Variants in MED15 observed in about 807,000 individuals in gnomAD.
The protein encoded by MED15 is mediator complex subunit 15.
In MED15, 41 loss-of-function variants were observed where a neutral mutation model predicts 118.7. The observed-to-expected ratio is 0.35, with a 90% CI of 0.27 to 0.45. The LOEUF is 0.45. Ranked by LOEUF, MED15 falls within the 20% of genes least tolerant of loss-of-function variation. The pLI, the probability that MED15 is intolerant of heterozygous loss-of-function variation, is 1.00. For synonymous variants in MED15, 436 were observed against 413.9 expected (o/e 1.05, Z -0.65); for missense variants, 740 against 1,025.5 (o/e 0.72, Z 3.80).
chr22:20,535,997 C>T (rs1430480367), intron 1 of MED15, among the ~76,000 whole-genome samples: 2 of 151,620 alleles, frequency 1.3e-5, no homozygotes, highest in Non-Finnish European at 2.9e-5. Flanking sequence ...CTGCCTCAGC[C>T]TCCTTTGTAG....
intron 1 of MED15, among the ~76,000 whole-genome samples, chr22:20,533,582 G>T (rs1318461459): frequency 6.6e-6 from 1 of 152,126 alleles, no homozygotes. Context: ...GGAGCGCCTT[G>T]CCGGAGGAGC....
At chr22:20,543,730 G>A (rs2055413330) in intron 2 of MED15, among the ~76,000 whole-genome samples, 2 of 150,962 alleles carry the variant, frequency 1.3e-5, no homozygotes, top group South Asian at 2.1e-4. Context: ...GCTAATTTTT[G>A]TATTTTTAGT....
chr22:20,531,214 T>G (rs1031037672), intron 1 of MED15, among the ~76,000 whole-genome samples: 2 of 152,132 alleles, frequency 1.3e-5, no homozygotes, highest in African/African-American at 4.8e-5. Flanking sequence ...TTGCTTTATC[T>G]TAGTCTCATT....
intron 13 of MED15, 82 bp downstream of exon 13, chr22:20,583,475 G>T (rs2057048425): frequency 1.3e-6 from 2 of 1,530,398 alleles, no homozygotes; most frequent in Non-Finnish European, 1.8e-6. Context: ...GATGATGTGG[G>T]TTTAACAAAG....
At chr22:20,529,966 C>G (rs1201611480) in intron 1 of MED15, among the ~76,000 whole-genome samples, 1 of 152,202 alleles carries the variant, frequency 6.6e-6, no homozygotes, top group Non-Finnish European at 1.5e-5. Flanking sequence ...TCAAGTGATC[C>G]ACCTACCTCC....
At chr22:20,573,211 G>T (rs968125215) in intron 8 of MED15, among the ~76,000 whole-genome samples, 2 of 152,130 alleles carry the variant, frequency 1.3e-5, no homozygotes, top group African/African-American at 4.8e-5. Context: ...TAAGAGATGT[G>T]CCCGCTTTGG....
intron 2 of MED15, among the ~76,000 whole-genome samples, chr22:20,538,692 G>T (rs915263848): frequency 6.6e-6 from 1 of 151,002 alleles, no homozygotes; most frequent in Non-Finnish European, 1.5e-5. Flanking sequence ...ACAACATATG[G>T]GTTTTTTTTG....
intron 2 of MED15, among the ~76,000 whole-genome samples, chr22:20,544,865 C>T (rs749596450): frequency 6.7e-6 from 1 of 148,906 alleles, no homozygotes; most frequent in African/African-American, 2.4e-5. Context: ...TCCAGCATCA[C>T]GAGGTAAATA....
chr22:20,586,948 C>A lies in MED15; in HGVS notation c.*244C>A, dbSNP rs189999956. On this transcript the variant is annotated 3_prime_UTR_variant, in exon 18 of 18. Transcript: ENST00000263205. ...TTAGAGAAGGCCCTCCATGTGACTT[C>A]CTCCCAGGAGCCAGATGCGATCCTC... 3.4e-6 allele frequency: 2 copies of A among 582,534 alleles called. No individual in the cohort carries two copies. Among genetic ancestry groups the A allele is most frequent in the Non-Finnish European group, 6.0e-6 (2 of 333,500 alleles). The allele number at this position is 582,534 out of a possible 1,614,324, so 36.1% of individuals were successfully genotyped here.
chr22:20,516,045 G>A lies in MED15; in HGVS notation c.68+8299G>A, dbSNP rs527705615. Reference sequence around the variant, plus strand: ...AAAAATAAATAAGTAGGTTGGGCGCGGTGGCTCACACCTGTAATCCCAGCA... The same window carrying A: ...AAAAATAAATAAGTAGGTTGGGCGCAGTGGCTCACACCTGTAATCCCAGCA... On this transcript the variant is annotated intron_variant, in intron 1 of 17. Coordinates refer to ENST00000263205, the MANE Select transcript of MED15 (RefSeq NM_001003891.3). Among the ~76,000 whole-genome samples, 251 of 151,264 alleles carry A rather than the reference G, an allele frequency of 1.7e-3. 1 individual carries two copies. The highest frequency in any genetic ancestry group is 5.7e-3 in the African/African-American group (234 of 41,230).
At chr22:20,577,232 A>C (rs2056849127) in intron 9 of MED15, among the ~76,000 whole-genome samples, 1 of 152,034 alleles carries the variant, frequency 6.6e-6, no homozygotes, top group Non-Finnish European at 1.5e-5. Flanking sequence ...TGGGCTGATG[A>C]CCTGGCTTCT....
At chr22:20,531,975 A>T (rs1413876967) in intron 1 of MED15, among the ~76,000 whole-genome samples, 2 of 152,136 alleles carry the variant, frequency 1.3e-5, no homozygotes, top group Non-Finnish European at 2.9e-5. Context: ...CCCTGGGGAG[A>T]GTGTGTGGGG....
chr22:20,523,907 A>G (rs2054545148), intron 1 of MED15: 1 of 935,390 alleles, frequency 1.1e-6, no homozygotes, highest in Non-Finnish European at 1.3e-6. Flanking sequence ...CCTTGAGGAT[A>G]GAGGCAAGAA....
chr22:20,546,983 C>T (rs1018659476), intron 2 of MED15, among the ~76,000 whole-genome samples: 2 of 152,122 alleles, frequency 1.3e-5, no homozygotes, highest in Admixed American at 1.3e-4. Flanking sequence ...ACAGCAACAA[C>T]AAAAACCCAT....
chr22:20,531,774 T>C (rs2054872590), intron 1 of MED15, among the ~76,000 whole-genome samples: 1 of 152,248 alleles, frequency 6.6e-6, no homozygotes, highest in Non-Finnish European at 1.5e-5. Flanking sequence ...CAGGGTGTTC[T>C]TAGTATAGTG....
intron 8 of MED15, among the ~76,000 whole-genome samples, chr22:20,570,353 C>T (rs1191027460): frequency 6.6e-6 from 1 of 151,532 alleles, no homozygotes; most frequent in Non-Finnish European, 1.5e-5. Context: ...TCAAGCCCAG[C>T]AGGAAAGTGA....
chr22:20,577,571 G>A (rs1295297297), intron 9 of MED15, among the ~76,000 whole-genome samples: 2 of 152,086 alleles, frequency 1.3e-5, no homozygotes, highest in East Asian at 3.9e-4. Context: ...TGGAGCAGAG[G>A]AAGGATAGAG....
chr22:20,586,307 ACAG>A (rs1352320166), intron 17 of MED15, among the ~76,000 whole-genome samples: 2 of 152,204 alleles, frequency 1.3e-5, no homozygotes, highest in African/African-American at 4.8e-5. Flanking sequence ...GAGCTGGCAC[ACAG>A]CAGAGCTGGC....
chr22:20,575,750 G>A (rs1472789775), intron 9 of MED15, among the ~76,000 whole-genome samples: 1 of 146,384 alleles, frequency 6.8e-6, no homozygotes, highest in Non-Finnish European at 1.5e-5. Flanking sequence ...ATATATAAAT[G>A]TATATATATT....
Sources: allele counts gnomAD v4.1 joint callset (sites outside exome capture counted in the v4.1 genomes callset), GRCh38; gene constraint gnomAD v4.1.1; transcripts MANE v1.5; gene names NCBI Gene and HGNC (gene_info 2026-07-23, HGNC 2026-07-21).